The following PRPF31 variants were observed in gnomAD, a reference collection of about 807,000 sequenced individuals.
The protein encoded by PRPF31 is U4/U6 small nuclear ribonucleoprotein Prp31.
Under a neutral mutation model 60.4 loss-of-function variants are expected in PRPF31, and 12 were observed. The ratio of observed to expected loss-of-function variants is 0.20; its 90% CI spans 0.13 to 0.32. PRPF31 has a LOEUF of 0.32. Ranked by LOEUF, PRPF31 falls within the 10% of genes least tolerant of loss-of-function variation. PRPF31 has a pLI of 1.00. For synonymous variants in PRPF31, 287 were observed against 287.9 expected, an observed-to-expected ratio of 1.00 and a Z score of 0.03; for missense variants, 431 against 687.1, an observed-to-expected ratio of 0.63 and a Z score of 4.17.
At position 54,131,004 on chromosome 19, in the gene PRPF31, C is replaced by G. The variant is rs375148022; in HGVS notation, c.1375-303C>G. On this transcript the variant is annotated intron_variant, in intron 13 of 13. Coordinates refer to ENST00000321030, the MANE Select transcript of PRPF31 (RefSeq NM_015629.4). ...TGCTAGGACCTCGGGCCAGCCATGT[C>G]CCCCAGGGACTCAGTTTCCTTATGC... is the stretch of plus-strand genomic sequence containing the variant. Among the ~76,000 whole-genome samples, 36 of 152,282 alleles carry G rather than the reference C, an allele frequency of 2.4e-4. No individual in the cohort carries two copies. In the East Asian group the frequency reaches 5.0e-3, roughly 21 times the overall value.
At chr19:54,122,465 C>T (rs1443200039) in intron 4 of PRPF31, 32 bp from the exon 5 acceptor site, 6 of 1,528,908 alleles carry the variant, frequency 3.9e-6, no homozygotes, top group Non-Finnish European at 5.4e-6. Flanking sequence ...CCTTCCATCT[C>T]ACCCGACAAC....
chr19:54,120,530 G>A (rs1350472579), intron 3 of PRPF31: 10 of 152,232 alleles, frequency 6.6e-5, no homozygotes, highest in African/African-American at 2.2e-4. Context: ...CGCCCTGCCT[G>A]GTGTCAGATC....
chr19:54,124,525 T>C lies in PRPF31; in HGVS notation c.724T>C (p.Ser242Pro). ...TGTGGCCGGCGGCCTGACCAACCTC[T>C]CCAAGATGCCCGCCTGCAACATCAT... ...MGVAGGLTNLSKMPACNIMLL... is the reference protein window; with the variant it reads ...MGVAGGLTNLPKMPACNIMLL... Residue 242 changes from serine (S) to proline (P), a missense_variant, in exon 8 of 14, where the codon TCC becomes CCC. By Grantham distance (74) the Ser-to-Pro change is moderately conservative. This residue lies in a region of PRPF31 where 314 missense variants were observed against 475.3 expected (regional missense o/e 0.66). Transcript: ENST00000321030. The C allele has an allele frequency of 1.2e-6, 2 of 1,606,028 alleles. No homozygotes were observed. Among genetic ancestry groups the C allele is most frequent in the Non-Finnish European group, 8.5e-7 (1 of 1,177,700 alleles).
intron 8 of PRPF31, chr19:54,125,137 G>C (rs1247514747): frequency 4.4e-6 from 1 of 227,516 alleles, no homozygotes; most frequent in East Asian, 1.2e-4. Flanking sequence ...AGCTTCCCGG[G>C]TCCTCTCCCT....
intron 13 of PRPF31, among the ~76,000 whole-genome samples, chr19:54,130,493 C>T (rs929719440): frequency 5.9e-5 from 9 of 152,216 alleles, no homozygotes; most frequent in Admixed American, 2.0e-4. Flanking sequence ...GGCGTGGTGG[C>T]GGGCGCCTGT....
chr19:54,130,461 TAAA>T (rs2074024934), intron 13 of PRPF31, among the ~76,000 whole-genome samples: 1 of 152,058 alleles, frequency 6.6e-6, no homozygotes, highest in Admixed American at 6.5e-5. Flanking sequence ...CCGTCTCTAC[TAAA>T]AATACAAAAA....
At chr19:54,128,051 A>C in intron 9 of PRPF31, 22 bp from the exon 10 acceptor site, 1 of 1,548,006 alleles carries the variant, frequency 6.5e-7, no homozygotes, top group Non-Finnish European at 8.7e-7. Flanking sequence ...CAGCTGCAGG[A>C]CCTCCCCCTC....
chr19:54,126,148 G>T (rs1404132116), intron 8 of PRPF31, among the ~76,000 whole-genome samples: 3 of 152,220 alleles, frequency 2.0e-5, no homozygotes, highest in African/African-American at 7.2e-5. Flanking sequence ...ATCTGAAAAG[G>T]GGGTGCAATG....
At chr19:54,124,837 G>A in intron 8 of PRPF31, 181 bp downstream of exon 8, 1 of 718,928 alleles carries the variant, frequency 1.4e-6, no homozygotes, top group Non-Finnish European at 2.4e-6. Context: ...GCACCCACCA[G>A]TCAGGTGACT....
intron 13 of PRPF31, among the ~76,000 whole-genome samples, chr19:54,130,213 G>C: frequency 7.0e-6 from 1 of 142,754 alleles, no homozygotes; most frequent in South Asian, 2.3e-4. Flanking sequence ...GTCCAGTGTA[G>C]GAGAAGGCAG....
At chr19:54,116,703 A>G (rs1230581117) in intron 1 of PRPF31, among the ~76,000 whole-genome samples, 1 of 152,230 alleles carries the variant, frequency 6.6e-6, no homozygotes, top group African/African-American at 2.4e-5. Context: ...CGTGCGGGAC[A>G]CGTTATCACA....
Position 54,131,566 on chromosome 19 carries a change from G to A in PRPF31, c.*134G>A. The A allele has an allele frequency of 2.1e-6, 3 of 1,410,576 alleles. No individual in the cohort carries two copies. In the East Asian group the frequency reaches 7.4e-5, roughly 35 times the overall value. 87.4% of individuals were successfully genotyped at this position (1,410,576 alleles called of 1,614,324 possible). A position where few individuals can be genotyped will look rare whatever the true frequency, so the allele number is the denominator to read the frequency against. On this transcript the variant is annotated 3_prime_UTR_variant, in exon 14 of 14. Transcript: ENST00000321030. Reference sequence around the variant, plus strand: ...CCCATTGCTGGGACTGCCCAGGGAGGAGGCCTTGGAAGAGTCCGGCCTGGC... The same window carrying A: ...CCCATTGCTGGGACTGCCCAGGGAGAAGGCCTTGGAAGAGTCCGGCCTGGC...
chr19:54,118,518 T>C, intron 2 of PRPF31, 55 bp from the exon 3 acceptor site: 2 of 1,613,502 alleles, frequency 1.2e-6, no homozygotes, highest in Non-Finnish European at 1.7e-6. Flanking sequence ...AAGGGGGTGA[T>C]ACAGGCTTCT....
At chr19:54,130,068 G>A (rs1200899201) in intron 13 of PRPF31, among the ~76,000 whole-genome samples, 4 of 149,488 alleles carry the variant, frequency 2.7e-5, no homozygotes, top group African/African-American at 7.5e-5. Context: ...ATGCCAGGCC[G>A]GGCGCAGACA....
At chr19:54,130,364 G>A (rs769922636) in intron 13 of PRPF31, among the ~76,000 whole-genome samples, 3 of 152,242 alleles carry the variant, frequency 2.0e-5, no homozygotes, top group Admixed American at 6.5e-5. Flanking sequence ...GGTGGCTCAC[G>A]CCTGTAATCC....
In PRPF31 at chr19:54,118,584, T is replaced by C; in HGVS notation, c.189T>C (p.Ile63=). Reference sequence around the variant, plus strand: ...CTCCTTTCCTACAGTTTGCTGAGATTATGATGAAGATTGAGGAGTATATCA... The same window carrying C: ...CTCCTTTCCTACAGTTTGCTGAGATCATGATGAAGATTGAGGAGTATATCA... ...KLWDSKMFAE[I]MMKIEEYISK... The change falls in exon 3 of 14, where the codon ATT becomes ATC. Residue 63 remains isoleucine, a synonymous_variant. Transcript: ENST00000321030. The C allele has an allele frequency of 6.2e-7, 1 of 1,614,104 alleles. No individual in the cohort carries two copies. Among genetic ancestry groups the C allele is most frequent in the Non-Finnish European group, 8.5e-7 (1 of 1,180,022 alleles).
chr19:54,116,434 G>T (rs971986813), intron 1 of PRPF31, among the ~76,000 whole-genome samples: 6 of 151,190 alleles, frequency 4.0e-5, no homozygotes, highest in African/African-American at 1.5e-4. Context: ...TCCAACTCCT[G>T]ACCTCAGATG....
At chr19:54,118,487 G>C (rs2073705453) in intron 2 of PRPF31, 32 bp downstream of exon 2, 1 of 1,614,010 alleles carries the variant, frequency 6.2e-7, no homozygotes, top group Non-Finnish European at 8.5e-7. Flanking sequence ...CTAGCAGGGG[G>C]CTCTAGACAG....
At chr19:54,127,393 T>C (rs1473720830) in intron 9 of PRPF31, among the ~76,000 whole-genome samples, 1 of 152,144 alleles carries the variant, frequency 6.6e-6, no homozygotes, top group African/African-American at 2.4e-5. Flanking sequence ...GCCTCTGTTT[T>C]TGTTCCCCTC....
Sources: allele counts gnomAD v4.1 joint callset (sites outside exome capture counted in the v4.1 genomes callset), GRCh38; gene constraint gnomAD v4.1.1; regional missense constraint gnomAD v4.1.1; transcripts MANE v1.5; gene names NCBI Gene and HGNC (gene_info 2026-07-23, HGNC 2026-07-21).